GLRA2: variants seen among roughly 807,000 people sequenced by gnomAD.
The protein encoded by GLRA2 is glycine receptor alpha 2.
Under a neutral mutation model 31.6 loss-of-function variants are expected in GLRA2, and 11 were observed. The ratio of observed to expected loss-of-function variants is 0.35; its 90% confidence interval spans 0.22 to 0.58. The LOEUF (loss-of-function observed/expected upper bound fraction) is 0.58. Among genes scored for constraint, GLRA2 ranks in the 20% least tolerant of loss-of-function variants. GLRA2 has a pLI of 0.84. For missense variants in GLRA2, 212 were observed against 351.8 expected, an observed-to-expected ratio of 0.60 and a Z score of 3.18; for synonymous variants, 132 against 134.0, an observed-to-expected ratio of 0.99 and a Z score of 0.10.
At chrX:14,471,604 A>G in the GLRA2 span, among the ~76,000 whole-genome samples, 1 of 112,249 alleles carries the variant, frequency 8.9e-6, no homozygotes, top group Non-Finnish European at 1.9e-5. Flanking sequence ...TCACCAATGC[A>G]TGTAGCTAGT....
intron 7 of GLRA2, among the ~76,000 whole-genome samples, chrX:14,623,893 T>C (rs904930880): frequency 1.8e-5 from 2 of 111,983 alleles, no homozygotes; most frequent in African/African-American, 3.3e-5. Flanking sequence ...TCCCTCTTTT[T>C]CTATTGATTG....
chrX:14,656,410 T>A (rs145439498), intron 7 of GLRA2, among the ~76,000 whole-genome samples: 1,141 of 112,296 alleles, frequency 0.01, 9 homozygotes, highest in Non-Finnish European at 0.015. Flanking sequence ...CTTCCACATT[T>A]TCTATGTTTT....
At chrX:14,505,302 T>C in the GLRA2 span, among the ~76,000 whole-genome samples, 1 of 112,232 alleles carries the variant, frequency 8.9e-6, no homozygotes, top group Non-Finnish European at 1.9e-5. Context: ...AGAAAAGATC[T>C]GGGAACTGGA....
At chrX:14,577,441 C>A (rs1460871716) in intron 3 of GLRA2, among the ~76,000 whole-genome samples, 1 of 112,683 alleles carries the variant, frequency 8.9e-6, no homozygotes, top group Non-Finnish European at 1.9e-5. Context: ...CTGCCTGGGA[C>A]TCCACCTGGT....
the GLRA2 span, among the ~76,000 whole-genome samples, chrX:14,501,946 A>G: frequency 9.0e-6 from 1 of 111,500 alleles, no homozygotes; most frequent in African/African-American, 3.3e-5. Flanking sequence ...GTCTTTATAC[A>G]TCTTCCATCT....
At chrX:14,716,293 A>T (rs2091783770) in intron 8 of GLRA2, among the ~76,000 whole-genome samples, 1 of 111,647 alleles carries the variant, frequency 9.0e-6, no homozygotes, top group Non-Finnish European at 1.9e-5. Flanking sequence ...GAGGAAATTG[A>T]AGAACAAAAA....
chrX:14,635,094 A>T (rs921857466), intron 7 of GLRA2, among the ~76,000 whole-genome samples: 5 of 112,023 alleles, frequency 4.5e-5, no homozygotes, highest in Non-Finnish European at 9.4e-5. Flanking sequence ...TTAGGAAATG[A>T]GTTAAAAGCT....
At chrX:14,724,038 A>G (rs139506106) in intron 8 of GLRA2, among the ~76,000 whole-genome samples, 1,586 of 111,323 alleles carry the variant, frequency 0.014, 26 homozygotes, top group African/African-American at 0.042. Flanking sequence ...CAACCACTCA[A>G]TCTAAAACAC....
intron 7 of GLRA2, among the ~76,000 whole-genome samples, chrX:14,656,594 C>T (rs1156479613): frequency 8.9e-6 from 1 of 111,928 alleles, no homozygotes; most frequent in Non-Finnish European, 1.9e-5. Context: ...TCTCAGAAGT[C>T]AATGTTTTTG....
Position 14,530,038 on chromosome X carries a change from C to T in GLRA2, c.-20C>T. On this transcript the variant is annotated 5_prime_UTR_variant, in exon 1 of 9. Coordinates refer to ENST00000218075, the MANE Select transcript of GLRA2 (RefSeq NM_002063.4). ...TGGAATCATTTCGGGATATTTTCCA[C>T]AAGCAACACAGAAACAGGAATGAAC... The T allele has an allele frequency of 1.7e-6, 2 of 1,155,575 alleles. No homozygotes were observed. Among genetic ancestry groups the T allele is most frequent in the Non-Finnish European group, 2.4e-6 (2 of 844,105 alleles).
At chrX:14,711,223 A>G (rs1351523399) in intron 8 of GLRA2, among the ~76,000 whole-genome samples, 2 of 112,424 alleles carry the variant, frequency 1.8e-5, no homozygotes, top group Non-Finnish European at 3.8e-5. Context: ...TTTCAGGAAC[A>G]TTCACCACCC....
At chrX:14,701,385 G>A (rs1338161307) in intron 8 of GLRA2, among the ~76,000 whole-genome samples, 1 of 111,070 alleles carries the variant, frequency 9.0e-6, no homozygotes, top group African/African-American at 3.3e-5. Flanking sequence ...GCAACCCCTG[G>A]TTCAAAAACA....
At chrX:14,623,466 G>A (rs1270361960) in intron 7 of GLRA2, among the ~76,000 whole-genome samples, 1 of 111,171 alleles carries the variant, frequency 9.0e-6, no homozygotes, top group Non-Finnish European at 1.9e-5. Context: ...TGCCCATTCA[G>A]TATGATATTG....
At chrX:14,458,252 T>G in the GLRA2 span, among the ~76,000 whole-genome samples, 5 of 111,742 alleles carry the variant, frequency 4.5e-5, no homozygotes, top group African/African-American at 6.5e-5. Context: ...GTGCCACATT[T>G]TCTTAATCCA....
the GLRA2 span, among the ~76,000 whole-genome samples, chrX:14,458,716 GTTGT>G: frequency 1.0e-3 from 117 of 111,844 alleles, no homozygotes; most frequent in Middle Eastern, 4.6e-3. Context: ...TGTTGATGGG[GTTGT>G]TTGTTTTTTT....
At chrX:14,681,352 G>C (rs987863964) in intron 7 of GLRA2, among the ~76,000 whole-genome samples, 4 of 110,968 alleles carry the variant, frequency 3.6e-5, no homozygotes, top group South Asian at 3.8e-4. Context: ...TTCCTTCCTT[G>C]CTTTCTTCCT....
chrX:14,532,207 A>G (rs773110751), intron 1 of GLRA2, 32 bp from the exon 2 acceptor site: 2 of 1,058,115 alleles, frequency 1.9e-6, no homozygotes, highest in Non-Finnish European at 2.5e-6. Context: ...TGCAAATGAA[A>G]TTGTTGCTAA....
intron 7 of GLRA2, among the ~76,000 whole-genome samples, chrX:14,655,206 T>C (rs58379665): frequency 0.017 from 1,908 of 111,819 alleles, 35 homozygotes; most frequent in African/African-American, 0.05. Flanking sequence ...TCTCTAAAGA[T>C]GGAAGTAAGT....
intron 6 of GLRA2, 44 bp from the exon 7 acceptor site, chrX:14,608,947 T>G: frequency 5.0e-6 from 3 of 600,934 alleles, no homozygotes; most frequent in Non-Finnish European, 8.4e-6. Flanking sequence ...GAATTGGAAA[T>G]ATAAATTCAG....
Sources: gnomAD v4.1 joint callset for allele counts (sites outside exome capture counted in the v4.1 genomes callset) on GRCh38, gnomAD v4.1.1 for gene constraint, MANE v1.5 for transcripts, NCBI Gene and HGNC (gene_info 2026-07-23, HGNC 2026-07-21) for gene names.